The following MAP3K13 variants were observed in gnomAD, a reference collection of about 807,000 sequenced individuals.
The protein encoded by MAP3K13 is leucine zipper-bearing kinase.
In MAP3K13, 52 loss-of-function variants were observed where a neutral mutation model predicts 104.0. The observed-to-expected ratio is 0.50, with a 90% CI of 0.40 to 0.63. The LOEUF (loss-of-function observed/expected upper bound fraction) is 0.63, where lower values mean the gene tolerates loss of function less well. Ranked by LOEUF, MAP3K13 falls within the 20% of genes least tolerant of loss-of-function variation. MAP3K13 has a pLI of 0.00. For synonymous variants in MAP3K13, 394 were observed against 442.2 expected (o/e 0.89, Z 1.37); for missense variants, 914 against 1,218.5 (o/e 0.75, Z 3.72).
rs1307930644 is a variant in MAP3K13 at position 185,480,295 on chromosome 3, G to A, written c.2565G>A (p.Val855=). Reference sequence around the variant, plus strand: ...CCTTTAGCTCTGAGAATTTCTCTGTGTCTGATGGAGAAGAGGGAAATACCA... The same window carrying A: ...CCTTTAGCTCTGAGAATTTCTCTGTATCTGATGGAGAAGAGGGAAATACCA... ...YSTFSSENFS[V]SDGEEGNTSD... is the part of the protein sequence containing the mutation. The change falls in exon 13 of 14, where the codon GTG becomes GTA. Residue 855 remains valine (V), a synonymous_variant. Coordinates refer to ENST00000265026, the MANE Select transcript of MAP3K13 (RefSeq NM_004721.5). 22 of 1,614,078 alleles carry A rather than the reference G, an allele frequency of 1.4e-5. No homozygotes were observed. The highest frequency in any genetic ancestry group is 1.7e-5 in the Non-Finnish European group (20 of 1,180,038).
intron 1 of MAP3K13, among the ~76,000 whole-genome samples, chr3:185,393,462 C>CTTT (rs147162736): frequency 5.5e-5 from 8 of 145,058 alleles, no homozygotes; most frequent in African/African-American, 5.1e-5. Flanking sequence ...TTGTAAGTAT[C>CTTT]TTTTTTTTTT....
intron 2 of MAP3K13, among the ~76,000 whole-genome samples, chr3:185,352,048 C>T (rs1317113275): frequency 6.6e-6 from 1 of 152,184 alleles, no homozygotes; most frequent in African/African-American, 2.4e-5. Context: ...CACTCACTCA[C>T]TCACATCTCA....
chr3:185,426,063 C>T (rs1399111936), intron 1 of MAP3K13, among the ~76,000 whole-genome samples: 1 of 145,182 alleles, frequency 6.9e-6, no homozygotes. Context: ...TCCTCTCCCT[C>T]TCCCTCTCCC....
chr3:185,474,305 G>A lies in MAP3K13; in HGVS notation c.2430+544G>A, dbSNP rs1247959523. ...CACACCACTGCACTCCAGCCTGGGTGGCAGAGCGAGACTCTGTCTCAAAAA... is the reference window on the plus strand; with the variant it reads ...CACACCACTGCACTCCAGCCTGGGTAGCAGAGCGAGACTCTGTCTCAAAAA... On this transcript the variant is annotated intron_variant, in intron 11 of 13. Transcript: ENST00000265026. Among the ~76,000 whole-genome samples, 3 of 152,240 alleles carry A rather than the reference G, an allele frequency of 2.0e-5. No individual in the cohort carries two copies. The East Asian group carries it at 5.8e-4, about 29-fold the overall frequency.
At chr3:185,477,268 G>C (rs1174367486) in intron 11 of MAP3K13, 58 bp from the exon 12 acceptor site, 1 of 1,076,778 alleles carries the variant, frequency 9.3e-7, no homozygotes, top group African/African-American at 1.6e-5. Context: ...TGGGGATGGG[G>C]TGAGAGAGAC....
chr3:185,312,812 G>A (rs1182047968), intron 2 of MAP3K13, among the ~76,000 whole-genome samples: 2 of 152,046 alleles, frequency 1.3e-5, no homozygotes, highest in Non-Finnish European at 2.9e-5. Flanking sequence ...ATTATTAGAA[G>A]GCCTATCCCC....
At chr3:185,343,223 C>T (rs1040904622) in intron 2 of MAP3K13, among the ~76,000 whole-genome samples, 3 of 152,096 alleles carry the variant, frequency 2.0e-5, no homozygotes, top group Non-Finnish European at 4.4e-5. Context: ...AAGTATTACA[C>T]TCAAAGAGGG....
intron 2 of MAP3K13, among the ~76,000 whole-genome samples, chr3:185,341,224 T>G (rs1722710827): frequency 6.6e-6 from 1 of 152,158 alleles, no homozygotes; most frequent in African/African-American, 2.4e-5. Flanking sequence ...GGACTCTAAA[T>G]CCAACAACTG....
intron 7 of MAP3K13, among the ~76,000 whole-genome samples, chr3:185,455,362 A>ATATATATAT (rs1716473130): frequency 8.9e-6 from 1 of 112,070 alleles, no homozygotes; most frequent in Non-Finnish European, 1.8e-5. Flanking sequence ...TATATATATG[A>ATATATATAT]GATATATATG....
intron 1 of MAP3K13, among the ~76,000 whole-genome samples, chr3:185,373,040 T>C (rs1724235034): frequency 6.6e-6 from 1 of 152,204 alleles, no homozygotes; most frequent in Non-Finnish European, 1.5e-5. Context: ...CAAATAGTTA[T>C]GGACTTGAAT....
At chr3:185,411,314 T>A (rs910031045) in intron 1 of MAP3K13, among the ~76,000 whole-genome samples, 3 of 152,228 alleles carry the variant, frequency 2.0e-5, no homozygotes, top group Non-Finnish European at 4.4e-5. Context: ...AAAACCCATG[T>A]ACAAAACCTC....
At chr3:185,433,606 G>A (rs967720605) in intron 2 of MAP3K13, among the ~76,000 whole-genome samples, 1 of 152,144 alleles carries the variant, frequency 6.6e-6, no homozygotes, top group Non-Finnish European at 1.5e-5. Flanking sequence ...ATTAGTTTCA[G>A]TAAAAAGATG....
chr3:185,445,023 A>G (rs760582877), intron 4 of MAP3K13, among the ~76,000 whole-genome samples: 1 of 48,572 alleles, frequency 2.1e-5, no homozygotes, highest in Non-Finnish European at 7.0e-5. Context: ...TATTTATTGT[A>G]TATACACACA....
intron 1 of MAP3K13, among the ~76,000 whole-genome samples, chr3:185,410,977 A>G (rs545885068): frequency 6.6e-6 from 1 of 151,922 alleles, no homozygotes; most frequent in South Asian, 2.1e-4. Flanking sequence ...AGATTCTTTC[A>G]TGGAATATTA....
At chr3:185,404,859 G>A (rs1713024841) in intron 1 of MAP3K13, among the ~76,000 whole-genome samples, 1 of 152,160 alleles carries the variant, frequency 6.6e-6, no homozygotes, top group South Asian at 2.1e-4. Context: ...TGGGATTACA[G>A]GCATGAGCCA....
intron 2 of MAP3K13, among the ~76,000 whole-genome samples, chr3:185,437,000 CAAAAAAAAAAAAA>C (rs58819806): frequency 1.3e-3 from 47 of 36,970 alleles, no homozygotes; most frequent in Admixed American, 3.7e-3. Context: ...GACTCTGTCT[CAAAAAAAAAAAAA>C]AAAAAAAAAA....
At chr3:185,438,963 C>T (rs902372028) in intron 3 of MAP3K13, among the ~76,000 whole-genome samples, 5 of 152,166 alleles carry the variant, frequency 3.3e-5, no homozygotes, top group South Asian at 2.1e-4. Context: ...CCCTCCTAAA[C>T]TAGGAGGAAC....
rs755384927 is a variant in MAP3K13, at chr3:185,473,501, T to C, written c.2170T>C (p.Cys724Arg). The C allele has an allele frequency of 6.2e-7, 1 of 1,614,212 alleles. No individual in the cohort carries two copies. Among genetic ancestry groups the C allele is most frequent in the Non-Finnish European group, 8.5e-7 (1 of 1,180,042 alleles). Residue 724 changes from cysteine (C) to arginine (R), a missense_variant, in exon 11 of 14, where the codon TGC (cysteine) becomes CGC (arginine). This residue lies in a region of MAP3K13 where 583 missense variants were observed against 737.4 expected (regional missense o/e 0.79). Coordinates refer to ENST00000265026, the MANE Select transcript of MAP3K13 (RefSeq NM_004721.5). This position sits in a 1 kb window ranked among gnomAD's most constrained non-coding sequence, Gnocchi z 4.9. ...GGGCCAAGCTGGTCCCTGGGGCTGT[T>C]GCCAGGCTGACGCTTATGACCCCTG... Reference protein sequence around the residue: ...DKGQAGPWGCCQADAYDPCLQ... With the variant: ...DKGQAGPWGCRQADAYDPCLQ...
intron 2 of MAP3K13, among the ~76,000 whole-genome samples, chr3:185,290,543 C>A (rs1720693635): frequency 6.6e-6 from 1 of 152,126 alleles, no homozygotes; most frequent in South Asian, 2.1e-4. Flanking sequence ...CTGGTAAATT[C>A]TGTTGTATTG....
Sources: gnomAD v4.1 joint callset for allele counts (sites outside exome capture counted in the v4.1 genomes callset) on GRCh38, gnomAD v4.1.1 for gene constraint, gnomAD v4.1.1 regional missense constraint, Gnocchi (gnomAD v3.1) non-coding constraint, MANE v1.5 for transcripts, NCBI Gene and HGNC (gene_info 2026-07-23, HGNC 2026-07-21) for gene names.